Variants in MSI1 observed in about 807,000 individuals in gnomAD.
MSI1 encodes musashi RNA binding protein 1.
Under a neutral mutation model 54.4 loss-of-function variants are expected in MSI1, and 15 were observed. The observed-to-expected ratio is 0.28, with a 90% CI of 0.18 to 0.42. The LOEUF (loss-of-function observed/expected upper bound fraction) is 0.42. Among genes scored for constraint, MSI1 ranks in the 20% least tolerant of loss-of-function variants. The probability of loss-of-function intolerance (pLI) is 1.00; values close to 1 mark genes in which losing one functional copy is unlikely to be tolerated. For synonymous variants in MSI1, 200 were observed against 196.5 expected (o/e 1.02, Z -0.15); for missense variants, 304 against 506.0 (o/e 0.60, Z 3.83).
chr12:120,368,810 CG>C lies in MSI1; in HGVS notation c.100+22del. 7.1e-7 allele frequency: 1 copy of C among 1,398,856 alleles called. No homozygotes were observed. The highest frequency in any genetic ancestry group is 9.4e-7 in the Non-Finnish European group (1 of 1,060,894). The allele number at this position is 1,398,856 out of a possible 1,614,324, so 86.7% of individuals were successfully genotyped here. On this transcript the variant is annotated intron_variant, in intron 2 of 14. Coordinates refer to ENST00000257552, the MANE Select transcript of MSI1 (RefSeq NM_002442.4). This position sits in a 1 kb window ranked among gnomAD's most constrained non-coding sequence, Gnocchi z 6.6. ...GGTCCGGGGTGCCCTGCCGGACCGG[CG>C]GGCGCTCCCGGGCTCGCTCACCCTG...
At chr12:120,348,567 A>T (rs2951691) in intron 11 of MSI1, among the ~76,000 whole-genome samples, 107,895 of 150,580 alleles carry the variant, frequency 0.72, 38,824 homozygotes, top group South Asian at 0.8. Flanking sequence ...TTTTTTTTTT[A>T]AATTAATTTT....
At chr12:120,364,651 G>T (rs371143358) in intron 5 of MSI1, 63 bp downstream of exon 5, 3 of 1,463,580 alleles carry the variant, frequency 2.0e-6, no homozygotes, top group Non-Finnish European at 2.8e-6. Flanking sequence ...GGAAATACTG[G>T]GAAAATCACT....
chr12:120,359,126 T>G, intron 6 of MSI1, 73 bp from the exon 7 acceptor site: 2 of 1,535,330 alleles, frequency 1.3e-6, no homozygotes, highest in Non-Finnish European at 1.8e-6. Context: ...ACAGGGGCTC[T>G]GGCAACCCAC....
At chr12:120,361,003 C>T (rs545175100) in intron 6 of MSI1, among the ~76,000 whole-genome samples, 57 of 152,126 alleles carry the variant, frequency 3.7e-4, no homozygotes, top group Admixed American at 2.5e-3. Flanking sequence ...AACTCACAGA[C>T]CCAGGATATA....
intron 6 of MSI1, among the ~76,000 whole-genome samples, chr12:120,362,373 G>A (rs2136977005): frequency 6.6e-6 from 1 of 152,254 alleles, no homozygotes; most frequent in Middle Eastern, 3.4e-3. Flanking sequence ...CTCCCCATGG[G>A]ACTCCAAAGT....
chr12:120,351,323 T>C (rs1263366388), intron 11 of MSI1, 21 bp downstream of exon 11: 5 of 1,608,636 alleles, frequency 3.1e-6, no homozygotes, highest in East Asian at 2.2e-5. Context: ...CTGAGAGGTA[T>C]ACAAAATCCG....
intron 10 of MSI1, among the ~76,000 whole-genome samples, chr12:120,352,593 C>G (rs564970134): frequency 6.6e-6 from 1 of 152,112 alleles, no homozygotes; most frequent in Non-Finnish European, 1.5e-5. Context: ...GGCAACGTCC[C>G]GTACACAAAG....
At chr12:120,348,893 C>A (rs766468256) in intron 11 of MSI1, among the ~76,000 whole-genome samples, 3 of 150,824 alleles carry the variant, frequency 2.0e-5, no homozygotes, top group Non-Finnish European at 4.4e-5. Flanking sequence ...AACTTCATCT[C>A]AAAAAAAATA....
intron 4 of MSI1, among the ~76,000 whole-genome samples, chr12:120,367,612 G>C (rs144164670): frequency 5.3e-5 from 8 of 152,170 alleles, no homozygotes; most frequent in Non-Finnish European, 5.9e-5. Flanking sequence ...GGGTGTCGCA[G>C]AGCCAAATAC....
chr12:120,350,124 C>T (rs58232894), intron 11 of MSI1, among the ~76,000 whole-genome samples: 8,944 of 152,090 alleles, frequency 0.059, 395 homozygotes, highest in Admixed American at 0.15. Context: ...TGGGCTCAAA[C>T]GATCCTCCCA....
At position 120,369,120 on chromosome 12, in the gene MSI1, A is replaced by AGCGGCG. The variant is rs547256348; in HGVS notation, c.-35_-30dup. On this transcript the variant is annotated 5_prime_UTR_variant, in exon 1 of 15. Transcript: ENST00000257552. Reference sequence around the variant, plus strand: ...GAGCCGCGGGCGGCGCGGGCAGCGGAGCGGCGGCGGCGGCGGCGGCGGCGG... The same window carrying AGCGGCG: ...GAGCCGCGGGCGGCGCGGGCAGCGGAGCGGCGGCGGCGGCGGCGGCGGCGGCGGCGG... 338 of 1,003,196 alleles carry AGCGGCG rather than the reference A, an allele frequency of 3.4e-4. 2 individuals are homozygous for AGCGGCG. The highest frequency in any genetic ancestry group is 4.2e-4 in the East Asian group (4 of 9,414). The allele number at this position is 1,003,196 out of a possible 1,614,324, so 62.1% of individuals were successfully genotyped here. A position where few individuals can be genotyped will look rare whatever the true frequency, so the allele number is the denominator to read the frequency against.
intron 6 of MSI1, chr12:120,361,600 G>C (rs1875649028): frequency 6.6e-6 from 1 of 152,194 alleles, no homozygotes; most frequent in East Asian, 2.0e-4. Context: ...CGGGGGGAGG[G>C]GAGGCGGCCG....
intron 14 of MSI1, among the ~76,000 whole-genome samples, 193 bp from the exon 15 acceptor site, chr12:120,343,298 A>G (rs949077723): frequency 6.6e-6 from 1 of 151,892 alleles, no homozygotes; most frequent in East Asian, 1.9e-4. Flanking sequence ...CAACCTCCCT[A>G]GGCTCAAGTG....
chr12:120,357,148 C>T, intron 8 of MSI1, 129 bp from the exon 9 acceptor site: 1 of 809,824 alleles, frequency 1.2e-6, no homozygotes, highest in Non-Finnish European at 2.0e-6. Context: ...ATGGTTACCA[C>T]TGATGGAGCA....
intron 9 of MSI1, among the ~76,000 whole-genome samples, chr12:120,354,763 C>T (rs1281990617): frequency 6.6e-6 from 1 of 152,128 alleles, no homozygotes. Context: ...AGGGTGAAAA[C>T]AGCTCATGAA....
intron 12 of MSI1, 139 bp downstream of exon 12, chr12:120,347,307 G>T: frequency 9.1e-7 from 1 of 1,093,334 alleles, no homozygotes; most frequent in Non-Finnish European, 1.4e-6. Context: ...GCCCAGCACA[G>T]AGCAGGTAAT....
At chr12:120,346,959 CT>C (rs1874180422) in intron 12 of MSI1, among the ~76,000 whole-genome samples, 1 of 146,320 alleles carries the variant, frequency 6.8e-6, no homozygotes, top group Admixed American at 6.7e-5. Context: ...TTTTTTTTTT[CT>C]TTTGAGACAG....
chr12:120,347,240 G>A (rs911147483), intron 12 of MSI1, among the ~76,000 whole-genome samples: 17 of 152,230 alleles, frequency 1.1e-4, no homozygotes, highest in South Asian at 2.1e-4. Context: ...AGGAGCCACC[G>A]CGCCCAGCCG....
intron 6 of MSI1, among the ~76,000 whole-genome samples, chr12:120,360,193 C>A (rs1456337772): frequency 6.6e-6 from 1 of 152,144 alleles, no homozygotes; most frequent in African/African-American, 2.4e-5. Flanking sequence ...CCATGTTGGC[C>A]AGGCTGGTCT....
Sources: gnomAD v4.1 joint callset for allele counts (sites outside exome capture counted in the v4.1 genomes callset) on GRCh38, gnomAD v4.1.1 for gene constraint, Gnocchi (gnomAD v3.1) non-coding constraint, MANE v1.5 for transcripts, NCBI Gene and HGNC (gene_info 2026-07-23, HGNC 2026-07-21) for gene names.